GIMD1: variants seen among roughly 807,000 people sequenced by gnomAD.
GIMD1 encodes GTPase IMAP family member GIMD1.
Under a neutral mutation model 14.9 loss-of-function variants are expected in GIMD1, and 14 were observed. The observed-to-expected ratio is 0.94, with a 90% CI of 0.62 to 1.47. The LOEUF is 1.47. Ranked by LOEUF, GIMD1 falls within the 40% of genes most tolerant of loss-of-function variation. The pLI, the probability that GIMD1 is intolerant of heterozygous loss-of-function variation, is 0.00. For missense variants in GIMD1, 272 were observed against 255.3 expected (o/e 1.07, Z -0.44); for synonymous variants, 91 against 90.5 (o/e 1.01, Z -0.03).
At chr4:106,360,766 C>A (rs1444579559) in intron 2 of GIMD1, among the ~76,000 whole-genome samples, 1 of 151,942 alleles carries the variant, frequency 6.6e-6, no homozygotes, top group African/African-American at 2.4e-5. Flanking sequence ...GCCATGCGTA[C>A]GTGAAGATAG....
intron 2 of GIMD1, among the ~76,000 whole-genome samples, chr4:106,360,504 T>C (rs1316051544): frequency 1.3e-5 from 2 of 152,060 alleles, no homozygotes; most frequent in Non-Finnish European, 2.9e-5. Flanking sequence ...TTAACAGGTC[T>C]CTGCTGGAAG....
intron 2 of GIMD1, among the ~76,000 whole-genome samples, chr4:106,362,318 G>A (rs1023220961): frequency 3.0e-4 from 45 of 152,188 alleles, no homozygotes; most frequent in East Asian, 1.5e-3. Context: ...TAGTCATCAC[G>A]TTAGTGGCCA....
intron 2 of GIMD1, among the ~76,000 whole-genome samples, chr4:106,366,317 A>G (rs1355451813): frequency 6.6e-6 from 1 of 152,142 alleles, no homozygotes; most frequent in Non-Finnish European, 1.5e-5. Context: ...TCATTATACT[A>G]CTTTGGCACT....
intron 2 of GIMD1, among the ~76,000 whole-genome samples, chr4:106,359,230 G>T (rs1472934492): frequency 6.6e-6 from 1 of 151,842 alleles, no homozygotes; most frequent in African/African-American, 2.4e-5. Context: ...AATAACCCTT[G>T]AACTTTTTGG....
intron 2 of GIMD1, among the ~76,000 whole-genome samples, chr4:106,366,487 C>T (rs3018062): frequency 0.25 from 38,254 of 152,004 alleles, 5,344 homozygotes; most frequent in Middle Eastern, 0.38. Flanking sequence ...CACCCATTTC[C>T]TGGTGAACTA....
chr4:106,365,728 AC>A (rs1422971714), intron 2 of GIMD1, among the ~76,000 whole-genome samples: 1 of 152,052 alleles, frequency 6.6e-6, no homozygotes, highest in Non-Finnish European at 1.5e-5. Context: ...ATTTAGATTG[AC>A]TCAGACTGAA....
chr4:106,359,500 T>C (rs1184405377), intron 2 of GIMD1, among the ~76,000 whole-genome samples: 1 of 151,886 alleles, frequency 6.6e-6, no homozygotes, highest in African/African-American at 2.4e-5. Flanking sequence ...TGAAGCTTAA[T>C]GCAATTATTT....
intron 2 of GIMD1, among the ~76,000 whole-genome samples, chr4:106,365,381 A>T (rs553239227): frequency 1.4e-5 from 2 of 141,724 alleles, no homozygotes; most frequent in Admixed American, 7.3e-5. Context: ...GTGATTATAC[A>T]TATGGCTGGG....
intron 1 of GIMD1, among the ~76,000 whole-genome samples, chr4:106,368,150 G>A (rs1461545060): frequency 6.6e-6 from 1 of 151,996 alleles, no homozygotes; most frequent in African/African-American, 2.4e-5. Flanking sequence ...ATTAGTGTAA[G>A]TGTTGGCTCT....
rs1219744485 is a variant in GIMD1 at position 106,357,702 on chromosome 4, A to T, written c.*481T>A. ...CTTTCTGCACATGGAATCATGGAGT[A>T]TGTACTCTTTTATGTCTGGCTTATT... On this transcript the variant is annotated 3_prime_UTR_variant, in exon 3 of 3. Transcript: ENST00000638719. The T allele has an allele frequency of 6.5e-6, 1 of 153,290 alleles. No individual in the cohort carries two copies. Among genetic ancestry groups the T allele is most frequent in the Non-Finnish European group, 1.5e-5 (1 of 68,836 alleles). 9.5% of individuals were successfully genotyped at this position (153,290 alleles called of 1,614,324 possible). A position where few individuals can be genotyped will look rare whatever the true frequency, so the allele number is the denominator to read the frequency against.
chr4:106,364,656 A>G (rs1296441065), intron 2 of GIMD1, among the ~76,000 whole-genome samples: 2 of 152,308 alleles, frequency 1.3e-5, no homozygotes, highest in African/African-American at 4.8e-5. Context: ...CAAGATTATT[A>G]AACCTTGGCT....
rs1316578122 is a variant in GIMD1 at position 106,357,547 on chromosome 4, A to G, written c.*636T>C. On this transcript the variant is annotated 3_prime_UTR_variant, in exon 3 of 3. Coordinates refer to ENST00000638719, the MANE Select transcript of GIMD1 (RefSeq NM_001195138.2). ...ATCAAGAGAACAAAAGAACATGACC[A>G]GAATCTCAGAAGCCACATCAAGTGT... 1 of 152,108 alleles carries G rather than the reference A, an allele frequency of 6.6e-6. No individual in the cohort carries two copies. Among genetic ancestry groups the G allele is most frequent in the Non-Finnish European group, 1.5e-5 (1 of 67,994 alleles). 9.4% of individuals were successfully genotyped at this position (152,108 alleles called of 1,614,324 possible). A position where few individuals can be genotyped will look rare whatever the true frequency, so the allele number is the denominator to read the frequency against.
chr4:106,367,272 AG>A lies in GIMD1; in HGVS notation c.163del (p.Leu55SerfsTer10), dbSNP rs1253248725. The A allele has an allele frequency of 2.6e-6, 4 of 1,535,848 alleles. No homozygotes were observed. The East Asian group carries it at 9.8e-5, about 38-fold the overall frequency. On this transcript the variant is annotated frameshift_variant, in exon 2 of 3. Coordinates refer to ENST00000638719, the MANE Select transcript of GIMD1 (RefSeq NM_001195138.2). LOFTEE classifies it high-confidence loss of function. ...TCCSLGRSCH[L>X]HSFMRRGGLE... is the part of the protein sequence containing the mutation. ...CCCACCTCGACGCATGAAGCTGTGG[AG>A]GTGACAACTGCGGCCCAGGCTACAA... is the stretch of plus-strand genomic sequence containing the variant.
chr4:106,367,715 T>C (rs1017895554), intron 1 of GIMD1, among the ~76,000 whole-genome samples: 8 of 152,108 alleles, frequency 5.3e-5, no homozygotes, highest in African/African-American at 1.9e-4. Flanking sequence ...CCAAATTACA[T>C]GAAGATCATA....
intron 2 of GIMD1, among the ~76,000 whole-genome samples, chr4:106,366,671 G>A (rs1488564025): frequency 2.6e-5 from 4 of 152,184 alleles, no homozygotes; most frequent in Middle Eastern, 3.4e-3. Flanking sequence ...TTAACAAACA[G>A]CCCAGTTGAT....
chr4:106,358,440 G>C lies in GIMD1; in HGVS notation c.397C>G (p.Leu133Val). 1 of 1,504,196 alleles carries C rather than the reference G, an allele frequency of 6.6e-7. No homozygotes were observed. Among genetic ancestry groups the C allele is most frequent in the South Asian group, 1.3e-5 (1 of 78,378 alleles). 93.2% of individuals were successfully genotyped at this position (1,504,196 alleles called of 1,614,324 possible). The change falls in exon 3 of 3, where the codon CTT (leucine) becomes GTT (valine). Residue 133 changes from leucine (L) to valine (V), a missense_variant. Coordinates refer to ENST00000638719, the MANE Select transcript of GIMD1 (RefSeq NM_001195138.2). ...VTDPVQMIQELLGHAWMNYTA... is the reference protein window; with the variant it reads ...VTDPVQMIQEVLGHAWMNYTA... ...TAATTCATCCAAGCATGTCCAAGAAGTTCCTGAAAGAGAGAAGTTAGATAA... is the reference window on the plus strand; with the variant it reads ...TAATTCATCCAAGCATGTCCAAGAACTTCCTGAAAGAGAGAAGTTAGATAA...
chr4:106,365,787 G>T (rs1361842645), intron 2 of GIMD1, among the ~76,000 whole-genome samples: 1 of 151,360 alleles, frequency 6.6e-6, no homozygotes, highest in South Asian at 2.1e-4. Flanking sequence ...ATAGTTTCCA[G>T]GAATTGTTAG....
In GIMD1 at chr4:106,367,208, T is replaced by C; in HGVS notation, c.228A>G (p.Pro76=). 2.0e-6 allele frequency: 3 copies of C among 1,535,818 alleles called. No individual in the cohort carries two copies. The highest frequency in any genetic ancestry group is 2.0e-5 in the Admixed American group (1 of 50,980). The change falls in exon 2 of 3, where the codon CCA becomes CCG. Residue 76 remains proline, a synonymous_variant. Coordinates refer to ENST00000638719, the MANE Select transcript of GIMD1 (RefSeq NM_001195138.2). ...VALQVQVLDT[P]GYPHSRLSKK... The stretch of plus-strand genomic sequence containing the variant: ...TGCTCAGCCTGCTGTGTGGATAACC[T>C]GGAGTGTCCAACACCTGGACCTGCA...
rs967056486 is a variant in GIMD1 at position 106,366,691 on chromosome 4, G to C, written c.393+352C>G. ...AAACAGCCCAGTTGATTCTGATGCA[G>C]ACAGTCCAGGGACAACATGTTACAA... On this transcript the variant is annotated intron_variant, in intron 2 of 2. Transcript: ENST00000638719. Among the ~76,000 whole-genome samples the C allele has an allele frequency of 1.8e-4, 27 of 152,112 alleles. 1 individual carries two copies. Among genetic ancestry groups the C allele is most frequent in the Admixed American group, 6.6e-5 (1 of 15,256 alleles).
Sources: allele counts gnomAD v4.1 joint callset (sites outside exome capture counted in the v4.1 genomes callset), GRCh38; gene constraint gnomAD v4.1.1; transcripts MANE v1.5; gene names NCBI Gene and HGNC (gene_info 2026-07-23, HGNC 2026-07-21).